Variants in TACR1 observed in about 807,000 individuals in gnomAD.
TACR1 encodes the protein substance-P receptor.
In TACR1, 25 loss-of-function variants were observed where a neutral mutation model predicts 35.8. That is an observed-to-expected ratio of 0.70 (90% CI 0.51 to 0.98). The LOEUF is 0.98. TACR1 is among the 50% of genes least tolerant of loss of function. TACR1 has a pLI of 0.00. For synonymous variants in TACR1, 195 were observed against 206.7 expected (o/e 0.94, Z 0.48); for missense variants, 478 against 522.9 (o/e 0.91, Z 0.84).
intron 1 of TACR1, among the ~76,000 whole-genome samples, chr2:75,168,560 C>A (rs1675201558): frequency 6.6e-6 from 1 of 152,182 alleles, no homozygotes; most frequent in African/African-American, 2.4e-5. Flanking sequence ...AGGAAACATT[C>A]ACCCCTACAG....
intron 2 of TACR1, among the ~76,000 whole-genome samples, chr2:75,057,405 C>T (rs1161912430): frequency 6.6e-6 from 1 of 152,176 alleles, no homozygotes; most frequent in Non-Finnish European, 1.5e-5. Flanking sequence ...GGACTCAGCC[C>T]GCCTGCACCC....
intron 1 of TACR1, among the ~76,000 whole-genome samples, chr2:75,128,622 T>C (rs1674121484): frequency 6.6e-6 from 1 of 151,572 alleles, no homozygotes; most frequent in African/African-American, 2.4e-5. Flanking sequence ...GGGTTGGGAG[T>C]GGCTGGGGTG....
At chr2:75,130,657 G>A (rs1483890499) in intron 1 of TACR1, among the ~76,000 whole-genome samples, 1 of 152,218 alleles carries the variant, frequency 6.6e-6, no homozygotes, top group African/African-American at 2.4e-5. Flanking sequence ...GATGATGAAT[G>A]TGTAACTTGC....
At chr2:75,162,990 A>G (rs1404913461) in intron 1 of TACR1, among the ~76,000 whole-genome samples, 1 of 152,234 alleles carries the variant, frequency 6.6e-6, no homozygotes, top group Non-Finnish European at 1.5e-5. Context: ...CAACTAGGCA[A>G]GGCTGTATGA....
At chr2:75,057,913 T>C (rs1672599528) in intron 2 of TACR1, among the ~76,000 whole-genome samples, 1 of 152,230 alleles carries the variant, frequency 6.6e-6, no homozygotes, top group Non-Finnish European at 1.5e-5. Flanking sequence ...CACAATAAAA[T>C]TTAGTAATAA....
At chr2:75,077,422 AGAT>A (rs1673001768) in intron 2 of TACR1, among the ~76,000 whole-genome samples, 1 of 152,234 alleles carries the variant, frequency 6.6e-6, no homozygotes, top group Admixed American at 6.5e-5. Context: ...GTAAGAAGTT[AGAT>A]GGACCTACTG....
intron 1 of TACR1, among the ~76,000 whole-genome samples, chr2:75,183,419 C>T (rs1675606500): frequency 6.6e-6 from 1 of 152,118 alleles, no homozygotes; most frequent in South Asian, 2.1e-4. Context: ...TATTGAGATC[C>T]TTAAATCAAC....
intron 1 of TACR1, among the ~76,000 whole-genome samples, chr2:75,133,183 C>T (rs1235742784): frequency 6.6e-6 from 1 of 152,176 alleles, no homozygotes; most frequent in Non-Finnish European, 1.5e-5. Flanking sequence ...TAAATTTTGA[C>T]TTGAGCATTT....
chr2:75,081,195 T>C (rs377607592), intron 2 of TACR1, among the ~76,000 whole-genome samples: 1 of 152,248 alleles, frequency 6.6e-6, no homozygotes, highest in South Asian at 2.1e-4. Context: ...ACGATGTAAA[T>C]TAGTAAACAA....
intron 2 of TACR1, among the ~76,000 whole-genome samples, chr2:75,072,154 C>T (rs1264773968): frequency 1.3e-5 from 2 of 151,868 alleles, no homozygotes; most frequent in East Asian, 3.9e-4. Flanking sequence ...TTAGGGTCAG[C>T]TCAGGAGGAG....
chr2:75,130,181 G>A (rs115442065), intron 1 of TACR1, among the ~76,000 whole-genome samples: 2,132 of 152,254 alleles, frequency 0.014, 20 homozygotes, highest in Non-Finnish European at 0.021. Flanking sequence ...TGCACCCCAG[G>A]CAAATGCTAC....
intron 1 of TACR1, among the ~76,000 whole-genome samples, chr2:75,152,982 AACC>A (rs1674708077): frequency 6.6e-6 from 1 of 152,334 alleles, no homozygotes; most frequent in South Asian, 2.1e-4. Context: ...GGCTCACTGC[AACC>A]TCTGCCTCCT....
intron 1 of TACR1, among the ~76,000 whole-genome samples, chr2:75,178,962 A>G (rs1238255116): frequency 1.3e-5 from 2 of 152,118 alleles, no homozygotes; most frequent in African/African-American, 4.8e-5. Flanking sequence ...ATACAGTCCT[A>G]TGGTTTTAGT....
At chr2:75,084,840 A>G (rs1196248396) in intron 2 of TACR1, among the ~76,000 whole-genome samples, 1 of 152,000 alleles carries the variant, frequency 6.6e-6, no homozygotes, top group Non-Finnish European at 1.5e-5. Context: ...TAGTCTTGCT[A>G]GTGGTCTATC....
chr2:75,093,469 A>G (rs1291466795), intron 2 of TACR1, among the ~76,000 whole-genome samples: 1 of 152,164 alleles, frequency 6.6e-6, no homozygotes, highest in Non-Finnish European at 1.5e-5. Context: ...GGAATTCTCA[A>G]CAAACTCCAG....
chr2:75,075,666 G>A (rs72807361), intron 2 of TACR1, among the ~76,000 whole-genome samples: 23,157 of 151,944 alleles, frequency 0.15, 2,163 homozygotes, highest in Admixed American at 0.3. Flanking sequence ...AAATTCATCA[G>A]TTAAAGGACA....
At chr2:75,116,013 G>A (rs1673849879) in intron 2 of TACR1, among the ~76,000 whole-genome samples, 1 of 151,416 alleles carries the variant, frequency 6.6e-6, no homozygotes, top group East Asian at 1.9e-4. Context: ...GTGCATAATA[G>A]GCTATATTTT....
intron 1 of TACR1, among the ~76,000 whole-genome samples, chr2:75,127,547 A>T (rs1365615152): frequency 1.1e-4 from 16 of 152,154 alleles, no homozygotes; most frequent in Admixed American, 3.3e-4. Flanking sequence ...CATCAACAAG[A>T]CCATAAAAAA....
chr2:75,068,932 A>G (rs1177712681), intron 2 of TACR1, among the ~76,000 whole-genome samples: 1 of 152,236 alleles, frequency 6.6e-6, no homozygotes, highest in African/African-American at 2.4e-5. Context: ...TGTACATGAT[A>G]CTGTTTGGCT....
Sources: allele counts gnomAD v4.1 joint callset (sites outside exome capture counted in the v4.1 genomes callset), GRCh38; gene constraint gnomAD v4.1.1; transcripts MANE v1.5; gene names NCBI Gene and HGNC (gene_info 2026-07-23, HGNC 2026-07-21).